ADSS2: variants seen among roughly 807,000 people sequenced by gnomAD.
The protein encoded by ADSS2 is adenylosuccinate synthase 2, also known as adenylosuccinate synthetase isozyme 2.
ADSS2 carries 30 observed loss-of-function variants against 60.0 expected under a neutral mutation model. The observed-to-expected ratio is 0.50, with a 90% CI of 0.37 to 0.68. ADSS2 has a LOEUF of 0.68. ADSS2 is among the 30% of genes least tolerant of loss of function. ADSS2 has a pLI of 0.00. For missense variants in ADSS2, 373 were observed against 554.8 expected (o/e 0.67, Z 3.29); for synonymous variants, 187 against 193.1 (o/e 0.97, Z 0.26).
intron 1 of ADSS2, among the ~76,000 whole-genome samples, chr1:244,444,161 A>G (rs1384504582): frequency 6.6e-6 from 1 of 152,178 alleles, no homozygotes; most frequent in East Asian, 1.9e-4. Flanking sequence ...TTGCAGTCAC[A>G]AAACATCCCC....
chr1:244,441,971 A>C (rs941121692), intron 1 of ADSS2, among the ~76,000 whole-genome samples: 2 of 151,902 alleles, frequency 1.3e-5, no homozygotes, highest in Admixed American at 6.6e-5. Context: ...AACAAACAAA[A>C]AGTTTTAAAA....
chr1:244,426,763 A>T (rs1037975402), intron 4 of ADSS2, among the ~76,000 whole-genome samples: 2 of 152,062 alleles, frequency 1.3e-5, no homozygotes, highest in African/African-American at 4.8e-5. Flanking sequence ...TGGCCACATT[A>T]TATACAATTG....
intron 4 of ADSS2, among the ~76,000 whole-genome samples, chr1:244,426,116 T>C (rs1664798095): frequency 1.3e-5 from 2 of 152,222 alleles, no homozygotes; most frequent in Non-Finnish European, 2.9e-5. Flanking sequence ...CAATAGTCTT[T>C]CTCAGTTACT....
In ADSS2 at chr1:244,429,474, T is replaced by C. The variant is rs1664880710; in HGVS notation, c.406+3071A>G. On this transcript the variant is annotated intron_variant, in intron 4 of 12. Transcript: ENST00000366535. The stretch of plus-strand genomic sequence containing the variant: ...TTCAGTGCCATGGTGACAGCGGGAG[T>C]CTCTAAAGCAAAGATCGAAGTGGTT... Among the ~76,000 whole-genome samples, 4 of 152,028 alleles carry C rather than the reference T, an allele frequency of 2.6e-5. No homozygotes were observed. The South Asian group carries it at 8.3e-4, about 31-fold the overall frequency.
chr1:244,451,108 C>T lies in ADSS2; in HGVS notation c.183+527G>A, dbSNP rs540858532. On this transcript the variant is annotated intron_variant, in intron 1 of 12. Transcript: ENST00000366535. The surrounding 1 kb of genome is among the most constrained non-coding windows in gnomAD (Gnocchi z 6.6). ...ACCAGAGGAAGCAAAGCACTGCATG[C>T]CACGGTCCTGCAGATGGGGGATCGG... 4.6e-5 allele frequency among the ~76,000 whole-genome samples: 7 copies of T among 152,186 alleles called. No homozygotes were observed. Among genetic ancestry groups the T allele is most frequent in the Non-Finnish European group, 2.9e-5 (2 of 68,036 alleles).
At chr1:244,417,573 A>G in intron 10 of ADSS2, 55 bp downstream of exon 10, 1 of 1,589,330 alleles carries the variant, frequency 6.3e-7, no homozygotes, top group Non-Finnish European at 8.6e-7. Context: ...AATTAAACCT[A>G]TGGCCATTAA....
Position 244,451,659 on chromosome 1 carries a change from G to A in ADSS2, c.159C>T (p.Asp53=). 1 of 1,610,954 alleles carries A rather than the reference G, an allele frequency of 6.2e-7. No homozygotes were observed. Among genetic ancestry groups the A allele is most frequent in the East Asian group, 2.2e-5 (1 of 44,720 alleles). The change falls in exon 1 of 13, where the codon GAC becomes GAT. Residue 53 remains aspartate (D), a synonymous_variant. Coordinates refer to ENST00000366535, the MANE Select transcript of ADSS2 (RefSeq NM_001126.5). This position sits in a 1 kb window ranked among gnomAD's most constrained non-coding sequence, Gnocchi z 6.6. ...KGKVVDLLAQ[D]ADIVCRCQGG... ...CCTGGCAGCGGCACACGATGTCGGC[G>A]TCCTGCGCCAGCAGGTCCACCACCT...
chr1:244,435,097 A>G (rs972642865), intron 3 of ADSS2, among the ~76,000 whole-genome samples: 3 of 145,146 alleles, frequency 2.1e-5, no homozygotes, highest in African/African-American at 7.6e-5. Context: ...GGACCCACGA[A>G]GCAGAAGGTG....
intron 8 of ADSS2, among the ~76,000 whole-genome samples, chr1:244,419,702 A>G (rs933818483): frequency 2.6e-5 from 4 of 152,200 alleles, no homozygotes; most frequent in Admixed American, 2.6e-4. Flanking sequence ...AAAAGAAGTT[A>G]AGCATTAATT....
intron 4 of ADSS2, among the ~76,000 whole-genome samples, chr1:244,427,726 T>C (rs567459647): frequency 6.5e-4 from 99 of 152,302 alleles, no homozygotes; most frequent in African/African-American, 2.1e-3. Context: ...AAAAAGGATA[T>C]TGTGGTATTA....
chr1:244,416,399 C>T (rs1319310392), intron 10 of ADSS2, among the ~76,000 whole-genome samples: 1 of 152,148 alleles, frequency 6.6e-6, no homozygotes, highest in Non-Finnish European at 1.5e-5. Context: ...TTCACTGCAG[C>T]CTCAACCTCC....
rs756015425 is a variant in ADSS2 at position 244,451,740 on chromosome 1, T to C, written c.78A>G (p.Gly26=). ...GDCGRPRARP[G]GNRVTVVLGA... is the part of the protein sequence containing the mutation. ...CGAGCACCACCGTCACCCGGTTTCC[T>C]CCGGGCCGCGCCCTGGGGCGGCCGC... The change falls in exon 1 of 13, where the codon GGA becomes GGG. Residue 26 remains glycine (G), a synonymous_variant. Transcript: ENST00000366535. The surrounding 1 kb of genome is among the most constrained non-coding windows in gnomAD (Gnocchi z 6.6). The C allele has an allele frequency of 1.4e-5, 23 of 1,606,242 alleles. No individual in the cohort carries two copies. The Admixed American group carries it at 2.2e-4, about 15-fold the overall frequency.
At chr1:244,448,490 T>TA (rs1665448255) in intron 1 of ADSS2, among the ~76,000 whole-genome samples, 1 of 152,214 alleles carries the variant, frequency 6.6e-6, no homozygotes, top group Non-Finnish European at 1.5e-5. Context: ...TTGGAGAGAA[T>TA]ACACACGGAA....
chr1:244,428,001 A>G (rs912811245), intron 4 of ADSS2, among the ~76,000 whole-genome samples: 2 of 152,214 alleles, frequency 1.3e-5, no homozygotes, highest in East Asian at 1.9e-4. Context: ...ACTTGAAAAG[A>G]GAAACAGACA....
upstream of ADSS2, chr1:244,452,007 G>A (rs916850141): frequency 1.3e-5 from 7 of 531,488 alleles, no homozygotes; most frequent in African/African-American, 4.0e-5. Flanking sequence ...GCTCAAGGGG[G>A]TACCATGACT....
intron 8 of ADSS2, among the ~76,000 whole-genome samples, 195 bp downstream of exon 8, chr1:244,419,975 G>A (rs1664638708): frequency 6.6e-6 from 1 of 152,084 alleles, no homozygotes; most frequent in Admixed American, 6.5e-5. Context: ...ATAAAATAGG[G>A]AACGTAACAC....
At chr1:244,428,837 A>T (rs1664866867) in intron 4 of ADSS2, among the ~76,000 whole-genome samples, 1 of 152,176 alleles carries the variant, frequency 6.6e-6, no homozygotes, top group Admixed American at 6.5e-5. Flanking sequence ...GACACAAGAA[A>T]CAGAAAAATC....
At chr1:244,416,515 T>C (rs745949673) in intron 10 of ADSS2, among the ~76,000 whole-genome samples, 111 of 152,292 alleles carry the variant, frequency 7.3e-4, no homozygotes, top group Non-Finnish European at 1.1e-3. Context: ...AGACAGGGTC[T>C]CACCAGGTTG....
chr1:244,436,475 A>G (rs1665103763), intron 3 of ADSS2, among the ~76,000 whole-genome samples: 1 of 152,236 alleles, frequency 6.6e-6, no homozygotes, highest in African/African-American at 2.4e-5. Context: ...CCTGAGTTGT[A>G]GCAACGAAAG....
Sources: allele counts gnomAD v4.1 joint callset (sites outside exome capture counted in the v4.1 genomes callset), GRCh38; gene constraint gnomAD v4.1.1; non-coding constraint Gnocchi (gnomAD v3.1); transcripts MANE v1.5; gene names NCBI Gene and HGNC (gene_info 2026-07-23, HGNC 2026-07-21).